The following FAP variants were observed in gnomAD, a reference collection of about 807,000 sequenced individuals.
FAP encodes the protein prolyl endopeptidase FAP.
Under a neutral mutation model 126.5 loss-of-function variants are expected in FAP, and 110 were observed. The ratio of observed to expected loss-of-function variants is 0.87; its 90% confidence interval spans 0.74 to 1.02. The LOEUF (loss-of-function observed/expected upper bound fraction) is 1.02, where lower values mean the gene tolerates loss of function less well. FAP is among the 50% of genes least tolerant of loss of function. The pLI is 0.00. For synonymous variants in FAP, 334 were observed against 297.3 expected (o/e 1.12, Z -1.27); for missense variants, 919 against 909.2 (o/e 1.01, Z -0.14).
chr2:162,234,891 C>A (rs541244071), intron 2 of FAP, among the ~76,000 whole-genome samples: 3 of 152,226 alleles, frequency 2.0e-5, no homozygotes, highest in African/African-American at 7.2e-5. Context: ...GGGCTGCACC[C>A]CACGCTTGCC....
Position 162,240,423 on chromosome 2 carries a change from C to T in FAP, c.91+2485G>A, listed in dbSNP as rs75652953. ...CTTTCTCTTTTTTCTTTCCTTTAGACGTGATGTGAAATAACACAAATCCTT... is the reference window on the plus strand; with the variant it reads ...CTTTCTCTTTTTTCTTTCCTTTAGATGTGATGTGAAATAACACAAATCCTT... On this transcript the variant is annotated intron_variant, in intron 2 of 25. Coordinates refer to ENST00000188790, the MANE Select transcript of FAP (RefSeq NM_004460.5). 2.1e-3 allele frequency among the ~76,000 whole-genome samples: 313 copies of T among 152,182 alleles called. 2 individuals are homozygous for T. The highest frequency in any genetic ancestry group is 7.3e-3 in the African/African-American group (303 of 41,522).
At chr2:162,200,400 C>T (rs886818407) in intron 15 of FAP, among the ~76,000 whole-genome samples, 166 bp downstream of exon 15, 4 of 145,826 alleles carry the variant, frequency 2.7e-5, no homozygotes, top group Non-Finnish European at 4.4e-5. Flanking sequence ...TAACATTTTG[C>T]GAGTGTGTGT....
chr2:162,194,805 C>T (rs1688187219), intron 16 of FAP, 57 bp from the exon 17 acceptor site: 5 of 1,470,992 alleles, frequency 3.4e-6, no homozygotes, highest in Non-Finnish European at 3.8e-6. Flanking sequence ...AATTCCTTTT[C>T]AAGACGGGCT....
At chr2:162,171,871 A>G (rs1687315587) in intron 25 of FAP, 3 of 152,136 alleles carry the variant, frequency 2.0e-5, no homozygotes, top group African/African-American at 4.8e-5. Flanking sequence ...AAATCAAGAT[A>G]ACTGAAATAC....
intron 2 of FAP, among the ~76,000 whole-genome samples, chr2:162,235,768 C>T (rs975140642): frequency 8.5e-5 from 13 of 152,160 alleles, no homozygotes; most frequent in East Asian, 1.9e-4. Flanking sequence ...CTTGTTCTTT[C>T]GCTCTTTGCA....
chr2:162,201,665 A>G (rs952281424), intron 14 of FAP, among the ~76,000 whole-genome samples: 2 of 152,066 alleles, frequency 1.3e-5, no homozygotes, highest in African/African-American at 2.4e-5. Flanking sequence ...AGTCCTGTTT[A>G]GCCTCCATCT....
chr2:162,184,792 T>C (rs1434452089), intron 20 of FAP, among the ~76,000 whole-genome samples: 2 of 152,162 alleles, frequency 1.3e-5, no homozygotes, highest in African/African-American at 2.4e-5. Context: ...ATAACCTTGC[T>C]ACTGGTGCTT....
chr2:162,178,008 T>C (rs1687545650), intron 21 of FAP, among the ~76,000 whole-genome samples: 1 of 152,188 alleles, frequency 6.6e-6, no homozygotes, highest in Admixed American at 6.5e-5. Flanking sequence ...GACACTTGTC[T>C]CAGCAACCCA....
At chr2:162,201,074 T>C (rs1688479058) in intron 14 of FAP, among the ~76,000 whole-genome samples, 1 of 152,192 alleles carries the variant, frequency 6.6e-6, no homozygotes, top group Non-Finnish European at 1.5e-5. Flanking sequence ...ACACAGGGCA[T>C]GTCAATTTAG....
At chr2:162,178,386 T>C (rs950851946) in intron 21 of FAP, among the ~76,000 whole-genome samples, 2 of 152,192 alleles carry the variant, frequency 1.3e-5, no homozygotes, top group Non-Finnish European at 2.9e-5. Context: ...TTGGGATGGA[T>C]AATTCTTTGT....
chr2:162,216,994 A>G (rs1345298912), intron 9 of FAP, among the ~76,000 whole-genome samples: 2 of 152,166 alleles, frequency 1.3e-5, no homozygotes, highest in African/African-American at 4.8e-5. Flanking sequence ...CAAAGATCTG[A>G]GTTCTTTTAC....
intron 20 of FAP, among the ~76,000 whole-genome samples, chr2:162,185,171 A>G (rs150963163): frequency 2.4e-3 from 363 of 152,310 alleles, no homozygotes; most frequent in African/African-American, 8.5e-3. Flanking sequence ...TGTCAGTAAC[A>G]AATGAAAAGG....
At chr2:162,219,693 G>A (rs1170417597) in intron 7 of FAP, among the ~76,000 whole-genome samples, 160 bp downstream of exon 7, 1 of 152,134 alleles carries the variant, frequency 6.6e-6, no homozygotes, top group Admixed American at 6.5e-5. Context: ...GGAATTCTCA[G>A]ATGGGTTTCA....
Position 162,226,034 on chromosome 2 carries a change from A to G in FAP, c.191-457T>C, listed in dbSNP as rs570504184. On this transcript the variant is annotated intron_variant, in intron 3 of 25. Coordinates refer to ENST00000188790, the MANE Select transcript of FAP (RefSeq NM_004460.5). The stretch of plus-strand genomic sequence containing the variant: ...AAGATACTCAACTAAAATGTCATAG[A>G]CTATTTAGTTGATCTCACTATTTAT... 3.9e-5 allele frequency among the ~76,000 whole-genome samples: 6 copies of G among 152,272 alleles called. No individual in the cohort carries two copies. The South Asian group carries it at 1.2e-3, about 32-fold the overall frequency.
At chr2:162,222,446 G>A (rs1210346362) in intron 6 of FAP, among the ~76,000 whole-genome samples, 1 of 152,146 alleles carries the variant, frequency 6.6e-6, no homozygotes, top group Non-Finnish European at 1.5e-5. Flanking sequence ...TAATTTGACA[G>A]TTTATCAGAG....
chr2:162,240,860 T>C (rs1209011330), intron 2 of FAP, among the ~76,000 whole-genome samples: 1 of 152,192 alleles, frequency 6.6e-6, no homozygotes, highest in African/African-American at 2.4e-5. Flanking sequence ...TCATAGGCAC[T>C]GGGCAGATGT....
chr2:162,185,037 A>G (rs1404869758), intron 20 of FAP, among the ~76,000 whole-genome samples: 1 of 152,198 alleles, frequency 6.6e-6, no homozygotes, highest in Admixed American at 6.6e-5. Context: ...GGACTAGGTT[A>G]AAGGTTAGCT....
At chr2:162,176,451 GA>G (rs1366700338) in intron 21 of FAP, 1 of 152,044 alleles carries the variant, frequency 6.6e-6, no homozygotes, top group Non-Finnish European at 1.5e-5. Context: ...TTTTAATAGG[GA>G]AAAAGTATAT....
At chr2:162,174,826 G>C (rs755065080) in intron 22 of FAP, 41 bp downstream of exon 22, 1 of 1,410,054 alleles carries the variant, frequency 7.1e-7, no homozygotes, top group Admixed American at 1.7e-5. Context: ...GTAATTACGT[G>C]TTAAATGCTT....
Sources: gnomAD v4.1 joint callset for allele counts (sites outside exome capture counted in the v4.1 genomes callset) on GRCh38, gnomAD v4.1.1 for gene constraint, MANE v1.5 for transcripts, NCBI Gene and HGNC (gene_info 2026-07-23, HGNC 2026-07-21) for gene names.